Variants in EML4 observed in about 807,000 individuals in gnomAD.
The protein encoded by EML4 is EMAP like 4, also known as echinoderm microtubule-associated protein-like 4.
Under a neutral mutation model 129.0 loss-of-function variants are expected in EML4, and 72 were observed. The observed-to-expected ratio is 0.56, with a 90% CI of 0.46 to 0.68. The LOEUF (loss-of-function observed/expected upper bound fraction) is 0.68. EML4 is among the 30% of genes least tolerant of loss of function. EML4 has a pLI of 0.00. For synonymous variants in EML4, 532 were observed against 405.0 expected (o/e 1.31, Z -3.77); for missense variants, 1,363 against 1,190.6 (o/e 1.14, Z -2.13).
At chr2:42,211,989 T>C (rs558616817) in intron 1 of EML4, among the ~76,000 whole-genome samples, 1 of 152,154 alleles carries the variant, frequency 6.6e-6, no homozygotes, top group South Asian at 2.1e-4. Flanking sequence ...GGACTACAGG[T>C]TCATGCCACC....
chr2:42,202,492 A>G (rs186244233), intron 1 of EML4, among the ~76,000 whole-genome samples: 30 of 152,302 alleles, frequency 2.0e-4, no homozygotes, highest in Non-Finnish European at 4.0e-4. Context: ...ATTAAGGAAT[A>G]TTGACTCACA....
At chr2:42,198,920 G>T (rs1672051956) in intron 1 of EML4, among the ~76,000 whole-genome samples, 1 of 152,198 alleles carries the variant, frequency 6.6e-6, no homozygotes, top group Non-Finnish European at 1.5e-5. Context: ...TCTGGTATTG[G>T]TGGAGGCAGG....
intron 1 of EML4, among the ~76,000 whole-genome samples, chr2:42,175,360 GCCTCGGCCTT>G (rs1670541030): frequency 6.6e-6 from 1 of 150,592 alleles, no homozygotes; most frequent in South Asian, 2.1e-4. Flanking sequence ...TTATTCGCCT[GCCTCGGCCTT>G]CCAAAGTGCT....
rs138346870 is a variant in EML4, at chr2:42,248,522, G to A, written c.208+2835G>A. Among the ~76,000 whole-genome samples, 23 of 152,008 alleles carry A rather than the reference G, an allele frequency of 1.5e-4. No homozygotes were observed. In the East Asian group the frequency reaches 1.7e-3, roughly 12 times the overall value. On this transcript the variant is annotated intron_variant, in intron 2 of 22. Coordinates refer to ENST00000318522, the MANE Select transcript of EML4 (RefSeq NM_019063.5). ...TATTTTCTGTAAGTTGTCCTTTCTG[G>A]TCCTTTTCTAATTATCCTTAGTCAT...
chr2:42,169,538 G>T lies in EML4; in HGVS notation c.-74G>T. Reference sequence around the variant, plus strand: ...AGAGAACGAGCGGGTCAGGCTCAGCGTCGGCCACTCTGTCGGTCCGCTGAA... The same window carrying T: ...AGAGAACGAGCGGGTCAGGCTCAGCTTCGGCCACTCTGTCGGTCCGCTGAA... On this transcript the variant is annotated 5_prime_UTR_variant, in exon 1 of 23. Coordinates refer to ENST00000318522, the MANE Select transcript of EML4 (RefSeq NM_019063.5). 3 of 1,542,378 alleles carry T rather than the reference G, an allele frequency of 1.9e-6. No homozygotes were observed. Among genetic ancestry groups the T allele is most frequent in the Non-Finnish European group, 2.6e-6 (3 of 1,145,638 alleles).
chr2:42,252,300 G>C (rs1435478540), intron 2 of EML4, among the ~76,000 whole-genome samples: 2 of 152,098 alleles, frequency 1.3e-5, no homozygotes, highest in East Asian at 3.9e-4. Flanking sequence ...GCATTCTTTT[G>C]TCATGATCAA....
At chr2:42,317,713 C>T (rs1255484854) in intron 19 of EML4, among the ~76,000 whole-genome samples, 189 bp downstream of exon 19, 2 of 152,168 alleles carry the variant, frequency 1.3e-5, no homozygotes, top group African/African-American at 4.8e-5. Flanking sequence ...AAAGACATCT[C>T]CTTTTGATGG....
rs762423001 is a variant in EML4 at position 42,261,108 on chromosome 2, C to CT, written c.339-10dup. 4 of 1,577,144 alleles carry CT rather than the reference C, an allele frequency of 2.5e-6. No individual in the cohort carries two copies. The highest frequency in any genetic ancestry group is 2.3e-5 in the South Asian group (2 of 88,620). On this transcript the variant is annotated splice_polypyrimidine_tract_variant and intron_variant, in intron 3 of 22. Transcript: ENST00000318522. ...TAAATGTGTATTGTTCCATGTTATA[C>CT]TTTATTTTACAGTGGTACAGAAAAA...
chr2:42,282,395 G>A (rs1376371644), intron 7 of EML4, among the ~76,000 whole-genome samples: 2 of 151,226 alleles, frequency 1.3e-5, no homozygotes, highest in African/African-American at 4.8e-5. Flanking sequence ...TTTTGGTGGA[G>A]GGGTGGGGGT....
chr2:42,262,928 GT>G (rs1189723375), intron 4 of EML4, among the ~76,000 whole-genome samples: 1 of 152,028 alleles, frequency 6.6e-6, no homozygotes, highest in Non-Finnish European at 1.5e-5. Flanking sequence ...TAACAAAAGT[GT>G]TTTTTAAAAA....
At chr2:42,295,576 C>G in intron 13 of EML4, 60 bp downstream of exon 13, 1 of 1,475,440 alleles carries the variant, frequency 6.8e-7, no homozygotes, top group Non-Finnish European at 9.2e-7. Context: ...TCTTTCAGTC[C>G]CATCTCTTAG....
At chr2:42,291,131 A>T (rs998414914) in intron 11 of EML4, among the ~76,000 whole-genome samples, 1 of 152,238 alleles carries the variant, frequency 6.6e-6, no homozygotes, top group African/African-American at 2.4e-5. Flanking sequence ...GCGATGCAGT[A>T]GGCGCAGAAT....
chr2:42,199,956 A>G (rs1672120437), intron 1 of EML4, among the ~76,000 whole-genome samples: 1 of 152,106 alleles, frequency 6.6e-6, no homozygotes, highest in South Asian at 2.1e-4. Context: ...CAATTTTGAC[A>G]TTGGATCATT....
At chr2:42,189,309 C>G (rs1030942041) in intron 1 of EML4, among the ~76,000 whole-genome samples, 1 of 152,120 alleles carries the variant, frequency 6.6e-6, no homozygotes, top group Non-Finnish European at 1.5e-5. Context: ...GTCTCCTATC[C>G]CACTACCAAG....
intron 1 of EML4, among the ~76,000 whole-genome samples, chr2:42,223,229 G>A (rs187496758): frequency 6.6e-6 from 1 of 152,194 alleles, no homozygotes; most frequent in Admixed American, 6.5e-5. Context: ...ATACATTGTT[G>A]TGTCAAAGCA....
chr2:42,286,233 C>T (rs528013561), intron 9 of EML4, 36 bp from the exon 10 acceptor site: 3 of 1,187,982 alleles, frequency 2.5e-6, no homozygotes, highest in South Asian at 1.2e-5. Context: ...TTTGCATCCA[C>T]CTGTCCAGTT....
chr2:42,307,664 T>G (rs1409493418), intron 17 of EML4, among the ~76,000 whole-genome samples: 1 of 152,242 alleles, frequency 6.6e-6, no homozygotes, highest in African/African-American at 2.4e-5. Flanking sequence ...TTATTTTATT[T>G]ACTTATTTAG....
At chr2:42,293,301 C>G (rs1455014536) in intron 11 of EML4, among the ~76,000 whole-genome samples, 2 of 151,960 alleles carry the variant, frequency 1.3e-5, no homozygotes, top group Non-Finnish European at 2.9e-5. Flanking sequence ...ACAGGTCTCA[C>G]TATGTTGCAC....
intron 1 of EML4, among the ~76,000 whole-genome samples, chr2:42,201,376 C>T (rs1234160582): frequency 1.3e-5 from 2 of 152,128 alleles, no homozygotes; most frequent in African/African-American, 4.8e-5. Flanking sequence ...TGCCCAAGAG[C>T]GCACAGCTAG....
Sources: gnomAD v4.1 joint callset for allele counts (sites outside exome capture counted in the v4.1 genomes callset) on GRCh38, gnomAD v4.1.1 for gene constraint, MANE v1.5 for transcripts, NCBI Gene and HGNC (gene_info 2026-07-23, HGNC 2026-07-21) for gene names.